The following MON2 variants were observed in gnomAD, a reference collection of about 807,000 sequenced individuals.
MON2 encodes the protein protein MON2 homolog.
Under a neutral mutation model 208.6 loss-of-function variants are expected in MON2, and 84 were observed. The ratio of observed to expected loss-of-function variants is 0.40; its 90% CI spans 0.34 to 0.48. MON2 has a LOEUF of 0.48. Ranked by LOEUF, MON2 falls within the 20% of genes least tolerant of loss-of-function variation. MON2 has a pLI of 0.59. For missense variants in MON2, 1,611 were observed against 2,015.4 expected (o/e 0.80, Z 3.84); for synonymous variants, 660 against 694.0 (o/e 0.95, Z 0.77).
At chr12:62,584,705 C>CAAAAAAAAAAAAA (rs1226172058) in intron 32 of MON2, among the ~76,000 whole-genome samples, 1 of 71,376 alleles carries the variant, frequency 1.4e-5, no homozygotes, top group Non-Finnish European at 2.4e-5. Flanking sequence ...TCTGTCTCAA[C>CAAAAAAAAAAAAA]AAAAAAAAAA....
At position 62,592,674 on chromosome 12, in the gene MON2, A is replaced by C. The variant is rs1265597537; in HGVS notation, c.5079A>C (p.Ala1693=). Residue 1693 remains alanine (A), a synonymous_variant, in exon 35 of 35, where the codon GCA becomes GCC. Coordinates refer to ENST00000393630, the MANE Select transcript of MON2 (RefSeq NM_015026.3). ...ITCSSSEVCS[A]LKEALVPFKD... is the part of the protein sequence containing the mutation. ...GTTCTTCTTCAGAAGTCTGTTCTGC[A>C]CTTAAAGAGGCACTAGTTCCTTTTA... 1 of 1,611,568 alleles carries C rather than the reference A, an allele frequency of 6.2e-7. No homozygotes were observed. Among genetic ancestry groups the C allele is most frequent in the Non-Finnish European group, 8.5e-7 (1 of 1,178,202 alleles).
chr12:62,574,579 A>G (rs886905365), intron 30 of MON2, among the ~76,000 whole-genome samples: 1 of 152,092 alleles, frequency 6.6e-6, no homozygotes, highest in African/African-American at 2.4e-5. Context: ...GGATTTTGCC[A>G]TGTTGCCCAG....
At chr12:62,575,336 A>G (rs1325395692) in intron 30 of MON2, among the ~76,000 whole-genome samples, 2 of 152,220 alleles carry the variant, frequency 1.3e-5, no homozygotes, top group African/African-American at 2.4e-5. Context: ...TTTCAGTTTC[A>G]TAACAGGTTT....
At chr12:62,512,090 C>A (rs1476499512) in intron 8 of MON2, among the ~76,000 whole-genome samples, 2 of 152,142 alleles carry the variant, frequency 1.3e-5, no homozygotes, top group Non-Finnish European at 2.9e-5. Flanking sequence ...CCACCAGGTC[C>A]CTCCCACAAC....
chr12:62,479,431 T>TCCCC (rs71083999), intron 1 of MON2, among the ~76,000 whole-genome samples: 1 of 117,142 alleles, frequency 8.5e-6, no homozygotes, highest in Non-Finnish European at 1.7e-5. Flanking sequence ...TGTGTGTATA[T>TCCCC]CCCCCCCCCC....
At chr12:62,516,350 A>G (rs1426342820) in intron 8 of MON2, among the ~76,000 whole-genome samples, 1 of 152,166 alleles carries the variant, frequency 6.6e-6, no homozygotes, top group Non-Finnish European at 1.5e-5. Flanking sequence ...GATAGAATGA[A>G]TAAGATCTAG....
At chr12:62,583,682 C>G (rs778520092) in intron 32 of MON2, among the ~76,000 whole-genome samples, 14 of 151,642 alleles carry the variant, frequency 9.2e-5, no homozygotes, top group Non-Finnish European at 1.0e-4. Flanking sequence ...GGCACAGTGG[C>G]TCATGCCTGT....
At chr12:62,483,811 A>G (rs1026415609) in intron 1 of MON2, among the ~76,000 whole-genome samples, 4 of 152,202 alleles carry the variant, frequency 2.6e-5, no homozygotes. Context: ...GAGGCTTGAA[A>G]TGGGGAAAAG....
At chr12:62,529,930 G>A (rs2072541210) in intron 11 of MON2, among the ~76,000 whole-genome samples, 1 of 152,014 alleles carries the variant, frequency 6.6e-6, no homozygotes, top group South Asian at 2.1e-4. Flanking sequence ...ATAATGTGTA[G>A]TTATCAAATC....
In MON2 at chr12:62,543,192, A is replaced by G. The variant is rs778634308; in HGVS notation, c.2460A>G (p.Leu820=). The part of the protein sequence containing the change: ...EILWRPLTGH[L]LEVCQHPNSR... ...TGTGGAGACCTCTGACTGGCCATCT[A>G]CTTGAGGTAAATTCTCTTTCTTAAA... The change falls in exon 20 of 35, where the codon CTA becomes CTG. Residue 820 remains leucine (L), a synonymous_variant. Transcript: ENST00000393630. 3.3e-6 allele frequency: 5 copies of G among 1,502,066 alleles called. No homozygotes were observed. Among genetic ancestry groups the G allele is most frequent in the Middle Eastern group, 1.7e-4 (1 of 5,746 alleles). 93.0% of individuals were successfully genotyped at this position (1,502,066 alleles called of 1,614,324 possible).
chr12:62,485,746 C>G (rs894398152), intron 2 of MON2, among the ~76,000 whole-genome samples: 1 of 151,992 alleles, frequency 6.6e-6, no homozygotes, highest in African/African-American at 2.4e-5. Context: ...TCTTGTTATC[C>G]CAGCTGGAGT....
chr12:62,532,690 A>G lies in MON2; in HGVS notation c.1633+20A>G, dbSNP rs773283687. On this transcript the variant is annotated intron_variant, in intron 12 of 34. Transcript: ENST00000393630. ...AAATTGGTATGAGTCTGTATTTTTA[A>G]TTTTTATTGGAAATAATTTGAAATT... 4 of 1,554,878 alleles carry G rather than the reference A, an allele frequency of 2.6e-6. No individual in the cohort carries two copies. The South Asian group carries it at 4.5e-5, about 18-fold the overall frequency.
At chr12:62,475,737 C>T (rs1234030427) in intron 1 of MON2, among the ~76,000 whole-genome samples, 1 of 148,750 alleles carries the variant, frequency 6.7e-6, no homozygotes, top group Non-Finnish European at 1.5e-5. Flanking sequence ...CAGCCGGGCA[C>T]AGTGGCTCAT....
chr12:62,532,469 A>G lies in MON2; in HGVS notation c.1432A>G (p.Thr478Ala), dbSNP rs765118990. ...AATGTTGGACAAAGTTGAGCCTCCAACTATACCTGAAGGTTACGCCATGTC... is the reference window on the plus strand; with the variant it reads ...AATGTTGGACAAAGTTGAGCCTCCAGCTATACCTGAAGGTTACGCCATGTC... Reference protein sequence around the residue: ...LEMLDKVEPPTIPEGYAMSVA... With the variant: ...LEMLDKVEPPAIPEGYAMSVA... The change falls in exon 12 of 35, where the codon ACT becomes GCT. Residue 478 changes from threonine to alanine, a missense_variant. Coordinates refer to ENST00000393630, the MANE Select transcript of MON2 (RefSeq NM_015026.3). 1.2e-5 allele frequency: 20 copies of G among 1,613,984 alleles called. No individual in the cohort carries two copies. The African/African-American group carries it at 1.9e-4, about 15-fold the overall frequency.
intron 8 of MON2, 108 bp downstream of exon 8, chr12:62,508,588 A>C (rs1035898639): frequency 1.0e-6 from 1 of 957,818 alleles, no homozygotes; most frequent in African/African-American, 1.6e-5. Flanking sequence ...GTTCAACAGA[A>C]TTTTTTTGAG....
intron 1 of MON2, among the ~76,000 whole-genome samples, chr12:62,479,483 G>A (rs1028637147): frequency 5.0e-5 from 7 of 140,472 alleles, no homozygotes; most frequent in Non-Finnish European, 9.0e-5. Context: ...ATCTGCAGAT[G>A]CAAAACCAGT....
chr12:62,468,179 A>C (rs920951450), intron 1 of MON2, among the ~76,000 whole-genome samples: 6 of 150,976 alleles, frequency 4.0e-5, no homozygotes, highest in Admixed American at 6.6e-5. Context: ...AAACAAAAAA[A>C]CCCACCAAAA....
At chr12:62,504,314 G>A (rs1285038777) in intron 7 of MON2, among the ~76,000 whole-genome samples, 5 of 145,340 alleles carry the variant, frequency 3.4e-5, no homozygotes, top group East Asian at 2.0e-4. Flanking sequence ...GCATGATCTC[G>A]GCTCACTGCA....
At chr12:62,490,694 A>G (rs563986301) in intron 2 of MON2, among the ~76,000 whole-genome samples, 1 of 152,234 alleles carries the variant, frequency 6.6e-6, no homozygotes, top group South Asian at 2.1e-4. Flanking sequence ...TAGAATAGAT[A>G]AATAGGTTTT....
Sources: allele counts gnomAD v4.1 joint callset (sites outside exome capture counted in the v4.1 genomes callset), GRCh38; gene constraint gnomAD v4.1.1; transcripts MANE v1.5; gene names NCBI Gene and HGNC (gene_info 2026-07-23, HGNC 2026-07-21).